Variants in CELF2 observed in about 807,000 individuals in gnomAD.
CELF2 encodes the protein CUGBP Elav-like family member 2, also known as CUG triplet repeat RNA-binding protein 2.
CELF2 carries 8 observed loss-of-function variants against 62.6 expected under a neutral mutation model. The ratio of observed to expected loss-of-function variants is 0.13; its 90% CI spans 0.07 to 0.23. The LOEUF (loss-of-function observed/expected upper bound fraction) is 0.23, where lower values mean the gene tolerates loss of function less well. CELF2 is among the 10% of genes least tolerant of loss of function. The pLI is 1.00. For synonymous variants in CELF2, 258 were observed against 250.0 expected (o/e 1.03, Z -0.30); for missense variants, 333 against 671.0 (o/e 0.50, Z 5.56).
At chr10:10,733,866 A>G in the CELF2 span, among the ~76,000 whole-genome samples, 3 of 152,218 alleles carry the variant, frequency 2.0e-5, no homozygotes, top group Non-Finnish European at 4.4e-5. Flanking sequence ...GACAGAGCCA[A>G]GGACAAACTG....
intron 1 of CELF2, among the ~76,000 whole-genome samples, chr10:10,866,874 C>T (rs770200411): frequency 1.4e-5 from 2 of 144,714 alleles, no homozygotes; most frequent in African/African-American, 5.2e-5. Context: ...GAGCTGAGAT[C>T]ACACCGTTGC....
At chr10:10,587,002 T>C in the CELF2 span, among the ~76,000 whole-genome samples, 1 of 152,172 alleles carries the variant, frequency 6.6e-6, no homozygotes, top group African/African-American at 2.4e-5. Context: ...GTTGCTAGGC[T>C]GGTTTCTGCA....
chr10:11,313,601 A>G (rs2094708700), intron 9 of CELF2, among the ~76,000 whole-genome samples: 1 of 152,244 alleles, frequency 6.6e-6, no homozygotes, highest in African/African-American at 2.4e-5. Context: ...AGTCCAGAAC[A>G]TTTTACTGGC....
rs73571479 is a variant in CELF2, at chr10:10,932,599, G to A, written c.89+12600G>A. On this transcript the variant is annotated intron_variant, in intron 2 of 13. Coordinates refer to the CELF2 transcript ENST00000636488. The stretch of plus-strand genomic sequence containing the variant: ...AAAGAACCAAATGGTTCAAAAGTAG[G>A]AATCAATTTTAGTAGAAGAAAGCAT... Among the ~76,000 whole-genome samples, 421 of 151,998 alleles carry A rather than the reference G, an allele frequency of 2.8e-3. 3 individuals are homozygous for A. Among genetic ancestry groups the A allele is most frequent in the African/African-American group, 9.6e-3 (398 of 41,486 alleles).
chr10:11,275,220 A>G, intron 8 of CELF2, 100 bp downstream of exon 8: 2 of 1,163,096 alleles, frequency 1.7e-6, no homozygotes, highest in South Asian at 1.2e-5. Flanking sequence ...AGAACCAAGA[A>G]TGATGATCAG....
At chr10:11,203,750 C>A (rs2059800691) in intron 2 of CELF2, among the ~76,000 whole-genome samples, 1 of 152,220 alleles carries the variant, frequency 6.6e-6, no homozygotes. Flanking sequence ...TTGTCACTTT[C>A]TTCCCAGCCA....
intron 1 of CELF2, among the ~76,000 whole-genome samples, chr10:10,867,131 C>T (rs935464151): frequency 3.3e-5 from 5 of 152,074 alleles, no homozygotes; most frequent in Non-Finnish European, 2.9e-5. Context: ...GAAACAAAGG[C>T]TCTGATTTAT....
chr10:10,505,832 G>C, the CELF2 span, among the ~76,000 whole-genome samples: 1 of 152,106 alleles, frequency 6.6e-6, no homozygotes, highest in Non-Finnish European at 1.5e-5. Flanking sequence ...AACTTTTGTT[G>C]GGCTTTTTAA....
intron 1 of CELF2, among the ~76,000 whole-genome samples, chr10:10,910,004 A>G (rs1314337863): frequency 6.6e-6 from 1 of 152,246 alleles, no homozygotes; most frequent in African/African-American, 2.4e-5. Flanking sequence ...GGATTAGGCC[A>G]TTAGTCAAAC....
chr10:11,050,521 C>T (rs1381057000), intron 1 of CELF2, among the ~76,000 whole-genome samples: 6 of 152,180 alleles, frequency 3.9e-5, no homozygotes, highest in Non-Finnish European at 8.8e-5. Flanking sequence ...GTAGCAGCTC[C>T]TGCTGCTGGT....
At chr10:11,158,987 T>A (rs1341929354) in intron 1 of CELF2, among the ~76,000 whole-genome samples, 1 of 152,350 alleles carries the variant, frequency 6.6e-6, no homozygotes, top group African/African-American at 2.4e-5. Flanking sequence ...CTGAACCTTT[T>A]CTTCAGAGGA....
rs1479294563 is a variant in CELF2, at chr10:11,202,941, CTCTCTCTCTCTGTG to C, written c.272-14482_272-14469del. The stretch of plus-strand genomic sequence containing the variant: ...TCTCTCTCTCTCTCTCTCTCTCTCT[CTCTCTCTCTCTGTG>C]TGTGTGTGTGTGTGTGTAATCCAAA... On this transcript the variant is annotated intron_variant, in intron 2 of 12. Transcript: ENST00000633077. Among the ~76,000 whole-genome samples, 371 of 89,940 alleles carry C rather than the reference CTCTCTCTCTCTGTG, an allele frequency of 4.1e-3. 1 individual carries two copies. The highest frequency in any genetic ancestry group is 0.032 in the Middle Eastern group (5 of 156). The allele number at this position is 89,940 out of a possible 152,430, so 59.0% of individuals were successfully genotyped here.
intron 1 of CELF2, among the ~76,000 whole-genome samples, chr10:10,830,794 T>C (rs1411652003): frequency 6.6e-6 from 1 of 152,218 alleles, no homozygotes; most frequent in Non-Finnish European, 1.5e-5. Context: ...ACTGCATACT[T>C]CCTGTGTGTT....
chr10:11,167,650 C>G (rs1173596396), intron 2 of CELF2, among the ~76,000 whole-genome samples: 2 of 152,184 alleles, frequency 1.3e-5, no homozygotes, highest in African/African-American at 4.8e-5. Context: ...ATATTTGATA[C>G]TATACATTTT....
At chr10:10,704,730 C>A in the CELF2 span, among the ~76,000 whole-genome samples, 3 of 152,042 alleles carry the variant, frequency 2.0e-5, no homozygotes, top group Admixed American at 2.0e-4. Flanking sequence ...ACATATGTCT[C>A]CTGCGTCATG....
At chr10:11,231,776 G>C (rs1374111957) in intron 3 of CELF2, among the ~76,000 whole-genome samples, 1 of 144,840 alleles carries the variant, frequency 6.9e-6, no homozygotes, top group African/African-American at 2.6e-5. Context: ...ACTCAATAAA[G>C]ACAGCATGAG....
At chr10:11,132,718 C>T (rs1170314858) in intron 1 of CELF2, among the ~76,000 whole-genome samples, 1 of 152,132 alleles carries the variant, frequency 6.6e-6, no homozygotes, top group Non-Finnish European at 1.5e-5. Flanking sequence ...TAAATGCCTG[C>T]CTAGGAGAAA....
chr10:11,043,405 A>G (rs2062195254), intron 1 of CELF2, among the ~76,000 whole-genome samples: 1 of 152,200 alleles, frequency 6.6e-6, no homozygotes, highest in Non-Finnish European at 1.5e-5. Flanking sequence ...TCATTTTCCC[A>G]TTATAAGGAA....
At chr10:10,537,512 A>G in the CELF2 span, among the ~76,000 whole-genome samples, 1 of 152,174 alleles carries the variant, frequency 6.6e-6, no homozygotes, top group Non-Finnish European at 1.5e-5. Context: ...TAAGTTAAGA[A>G]AACTGTGAAA....
Sources: gnomAD v4.1 joint callset for allele counts (sites outside exome capture counted in the v4.1 genomes callset) on GRCh38, gnomAD v4.1.1 for gene constraint, MANE v1.5 for transcripts, NCBI Gene and HGNC (gene_info 2026-07-23, HGNC 2026-07-21) for gene names.